The following ANK2 variants were observed in gnomAD, a reference collection of about 807,000 sequenced individuals.
ANK2 encodes the protein ankyrin-2.
Under a neutral mutation model 360.5 loss-of-function variants are expected in ANK2, and 83 were observed. That is an observed-to-expected ratio of 0.23 (90% CI 0.19 to 0.28). ANK2 has a LOEUF of 0.28. Ranked by LOEUF, ANK2 falls within the 10% of genes least tolerant of loss-of-function variation. The pLI is 1.00. For missense variants in ANK2, 4,201 were observed against 4,795.7 expected (o/e 0.88, Z 3.66); for synonymous variants, 1,740 against 1,759.5 (o/e 0.99, Z 0.28).
intron 28 of ANK2, 39 bp from the exon 29 acceptor site, chr4:113,333,015 G>C (rs2153941359): frequency 6.2e-7 from 1 of 1,613,798 alleles, no homozygotes. Context: ...CTGTTAGTTA[G>C]CTCCTGTCCA....
chr4:113,127,131 A>T (rs1326293456), intron 1 of ANK2, among the ~76,000 whole-genome samples: 4 of 152,068 alleles, frequency 2.6e-5, no homozygotes, highest in African/African-American at 9.7e-5. Context: ...CTTTTAAATT[A>T]TGCTTGTTTT....
intron 35 of ANK2, among the ~76,000 whole-genome samples, chr4:113,346,471 T>C (rs1341251313): frequency 6.6e-6 from 1 of 152,168 alleles, no homozygotes; most frequent in Non-Finnish European, 1.5e-5. Flanking sequence ...ACAGGTGGCT[T>C]ACATATTATT....
At chr4:112,795,660 C>A in the ANK2 span, among the ~76,000 whole-genome samples, 11 of 152,096 alleles carry the variant, frequency 7.2e-5, no homozygotes, top group East Asian at 1.9e-4. Context: ...CCTGCCACCA[C>A]ACCTGGCTAA....
intron 1 of ANK2, among the ~76,000 whole-genome samples, chr4:112,851,335 A>G (rs998946918): frequency 1.3e-5 from 2 of 152,154 alleles, no homozygotes; most frequent in African/African-American, 4.8e-5. Flanking sequence ...TCCCCAGTCA[A>G]CCTCACGTGG....
At chr4:113,352,290 T>C (rs954851568) in intron 37 of ANK2, among the ~76,000 whole-genome samples, 3 of 152,318 alleles carry the variant, frequency 2.0e-5, no homozygotes, top group Admixed American at 2.0e-4. Context: ...TTGTTGTTTC[T>C]GTTGTTTTTC....
the ANK2 span, among the ~76,000 whole-genome samples, chr4:112,792,301 A>G: frequency 6.6e-6 from 1 of 152,218 alleles, no homozygotes; most frequent in Admixed American, 6.5e-5. Context: ...TCAGCCTCCC[A>G]AAGTGCTGGG....
At chr4:113,193,391 T>C (rs80237936) in intron 2 of ANK2, among the ~76,000 whole-genome samples, 2,844 of 152,266 alleles carry the variant, frequency 0.019, 41 homozygotes, top group South Asian at 0.035. Context: ...CTGATCTTCA[T>C]AAAAAACTAA....
At chr4:112,766,956 T>C in the ANK2 span, among the ~76,000 whole-genome samples, 1 of 152,190 alleles carries the variant, frequency 6.6e-6, no homozygotes, top group Non-Finnish European at 1.5e-5. Flanking sequence ...CACAAAAGTA[T>C]CCATTCAGTC....
intron 3 of ANK2, among the ~76,000 whole-genome samples, chr4:113,198,787 A>G (rs1395688734): frequency 2.6e-5 from 4 of 152,178 alleles, no homozygotes; most frequent in Admixed American, 1.3e-4. Context: ...CCGTGTTAAC[A>G]CTAAACCAAT....
intron 1 of ANK2, among the ~76,000 whole-genome samples, chr4:112,898,353 T>C (rs1362603686): frequency 6.6e-6 from 1 of 152,214 alleles, no homozygotes; most frequent in African/African-American, 2.4e-5. Context: ...AACAGCTTCA[T>C]GGGCTTTCTT....
chr4:113,376,777 T>G (rs1372269124), intron 45 of ANK2, among the ~76,000 whole-genome samples: 2 of 150,986 alleles, frequency 1.3e-5, no homozygotes, highest in Non-Finnish European at 1.5e-5. Flanking sequence ...TTTTTTAAAT[T>G]TATTATTTGT....
chr4:113,091,353 AC>A (rs1384188887), intron 1 of ANK2, among the ~76,000 whole-genome samples: 40 of 152,332 alleles, frequency 2.6e-4, no homozygotes, highest in African/African-American at 9.4e-4. Flanking sequence ...AGGCAAACTA[AC>A]TAAATAGTAG....
chr4:112,936,629 C>A (rs1027466187), intron 2 of ANK2, among the ~76,000 whole-genome samples: 33 of 152,204 alleles, frequency 2.2e-4, no homozygotes, highest in Non-Finnish European at 2.9e-5. Flanking sequence ...CAGGCGTGAG[C>A]CACCACGCCC....
chr4:112,727,760 C>G, the ANK2 span, among the ~76,000 whole-genome samples: 132 of 152,266 alleles, frequency 8.7e-4, no homozygotes, highest in African/African-American at 3.1e-3. Flanking sequence ...GGGCAGATCA[C>G]CTGAGGTCGG....
At chr4:113,210,431 G>A (rs1318736170) in intron 4 of ANK2, among the ~76,000 whole-genome samples, 1 of 152,192 alleles carries the variant, frequency 6.6e-6, no homozygotes, top group Non-Finnish European at 1.5e-5. Flanking sequence ...TGAGTAAAAA[G>A]TAGCAGGCTT....
rs2084106477 is a variant in ANK2, at chr4:113,318,418, T to C, written c.2797-99T>C. ...TATTTTAAGTGTAAGTTTTTCTAGG[T>C]TATACCACTTTCCAGTGATGACACT... On this transcript the variant is annotated intron_variant, in intron 25 of 45. Coordinates refer to ENST00000357077, the MANE Select transcript of ANK2 (RefSeq NM_001148.6). 3.2e-6 allele frequency: 3 copies of C among 950,698 alleles called. No homozygotes were observed. In the East Asian group the frequency reaches 8.0e-5, roughly 25 times the overall value. The allele number at this position is 950,698 out of a possible 1,614,324, so 58.9% of individuals were successfully genotyped here.
chr4:112,932,449 GC>G (rs2093340225), intron 2 of ANK2, among the ~76,000 whole-genome samples: 1 of 138,476 alleles, frequency 7.2e-6, no homozygotes. Context: ...TTGAGATAGC[GC>G]CACTACACTA....
chr4:112,788,487 G>A, the ANK2 span: 2 of 1,589,694 alleles, frequency 1.3e-6, no homozygotes, highest in East Asian at 2.2e-5. Context: ...AGGACAGGTG[G>A]TCTCTTGGTG....
intron 2 of ANK2, among the ~76,000 whole-genome samples, chr4:112,957,203 A>T (rs993679921): frequency 1.1e-4 from 17 of 150,966 alleles, no homozygotes; most frequent in African/African-American, 2.7e-4. Flanking sequence ...GAGATTAGGG[A>T]GTGGTGATGA....
Sources: gnomAD v4.1 joint callset for allele counts (sites outside exome capture counted in the v4.1 genomes callset) on GRCh38, gnomAD v4.1.1 for gene constraint, MANE v1.5 for transcripts, NCBI Gene and HGNC (gene_info 2026-07-23, HGNC 2026-07-21) for gene names.